Variants in TMEM63A observed in about 807,000 individuals in gnomAD.
TMEM63A encodes the protein transmembrane protein 63A, also known as mechanosensitive cation channel TMEM63A.
In TMEM63A, 76 loss-of-function variants were observed where a neutral mutation model predicts 100.6. The ratio of observed to expected loss-of-function variants is 0.76; its 90% CI spans 0.63 to 0.91. The LOEUF (loss-of-function observed/expected upper bound fraction) is 0.91, where lower values mean the gene tolerates loss of function less well. TMEM63A is among the 40% of genes least tolerant of loss of function. The pLI, the probability that TMEM63A is intolerant of heterozygous loss-of-function variation, is 0.00. For missense variants in TMEM63A, 876 were observed against 1,008.8 expected, an observed-to-expected ratio of 0.87 and a Z score of 1.78; for synonymous variants, 401 against 401.1, an observed-to-expected ratio of 1.00 and a Z score of 0.00.
rs1576095540 is a variant in TMEM63A, at chr1:225,864,430, A to G, written c.746+1467T>C. The G allele has an allele frequency of 5.3e-5, 8 of 152,340 alleles. 1 individual carries two copies. The highest frequency in any genetic ancestry group is 5.2e-4 in the Admixed American group (8 of 15,304). The allele number at this position is 152,340 out of a possible 1,614,324, so 9.4% of individuals were successfully genotyped here. A position where few individuals can be genotyped will look rare whatever the true frequency, so the allele number is the denominator to read the frequency against. Reference sequence around the variant, plus strand: ...GCTTGAAAGGCAAATTCATACATCAATCCCCACGGACTGCAACAGCATTCA... The same window carrying G: ...GCTTGAAAGGCAAATTCATACATCAGTCCCCACGGACTGCAACAGCATTCA... On this transcript the variant is annotated intron_variant, in intron 10 of 24. Coordinates refer to ENST00000366835, the MANE Select transcript of TMEM63A (RefSeq NM_014698.3).
At position 225,872,052 on chromosome 1, in the gene TMEM63A, C is replaced by T. The variant is rs767484298; in HGVS notation, c.268G>A (p.Glu90Lys). 37 of 1,598,396 alleles carry T rather than the reference C, an allele frequency of 2.3e-5. No individual in the cohort carries two copies. The highest frequency in any genetic ancestry group is 6.7e-5 in the East Asian group (3 of 44,782). ...RIALVSEADSESRFQRLSSTS... is the reference protein window; with the variant it reads ...RIALVSEADSKSRFQRLSSTS... ...GATGACAATCTCTGAAATCTGGACT[C>T]GCTAGAGACACAAAAAGAAAAAAAA... The change falls in exon 5 of 25, where the codon GAG becomes AAG. Residue 90 changes from glutamate (E) to lysine (K), a missense_variant and splice_region_variant. By Grantham distance (56) the Glu-to-Lys change is moderately conservative (BLOSUM62 1). Coordinates refer to ENST00000366835, the MANE Select transcript of TMEM63A (RefSeq NM_014698.3).
rs747726046 is a variant in TMEM63A at position 225,862,872 on chromosome 1, A to C, written c.747-21T>G. On this transcript the variant is annotated intron_variant, in intron 10 of 24. Transcript: ENST00000366835. This position sits in a 1 kb window ranked among gnomAD's most constrained non-coding sequence, Gnocchi z 5.1. ...CGTCCCTGTGGCCAGGGAGAGAAGG[A>C]GGCAAAAGACACCGTTGGAAAAGAA... 6.2e-7 allele frequency: 1 copy of C among 1,612,488 alleles called. No homozygotes were observed. Among genetic ancestry groups the C allele is most frequent in the East Asian group, 2.2e-5 (1 of 44,828 alleles).
At chr1:225,874,730 G>A (rs528062774) in intron 3 of TMEM63A, among the ~76,000 whole-genome samples, 1 of 152,358 alleles carries the variant, frequency 6.6e-6, no homozygotes, top group African/African-American at 2.4e-5. Context: ...CCCCGAGCAG[G>A]AGGGTAAGGT....
intron 13 of TMEM63A, 95 bp from the exon 14 acceptor site, chr1:225,861,092 G>A (rs1669912334): frequency 1.4e-6 from 2 of 1,388,784 alleles, no homozygotes; most frequent in African/African-American, 2.9e-5. Flanking sequence ...GGAGGCAGTG[G>A]CATAGGACCT....
At position 225,849,100 on chromosome 1, in the gene TMEM63A, G is replaced by A. The variant is rs1299039433; in HGVS notation, c.2072-88C>T. The A allele has an allele frequency of 1.3e-5, 13 of 1,027,720 alleles. No individual in the cohort carries two copies. The Admixed American group carries it at 2.6e-4, about 21-fold the overall frequency. The allele number at this position is 1,027,720 out of a possible 1,614,324, so 63.7% of individuals were successfully genotyped here. A position where few individuals can be genotyped will look rare whatever the true frequency, so the allele number is the denominator to read the frequency against. On this transcript the variant is annotated intron_variant, in intron 21 of 24. Transcript: ENST00000366835. ...TGCTGAGGAAGGGGCCGCACCTGGT[G>A]TGGAAACTGCCCGTGACTTCTCCCT...
At chr1:225,848,665 C>A in intron 22 of TMEM63A, 111 bp from the exon 23 acceptor site, 2 of 1,204,998 alleles carry the variant, frequency 1.7e-6, no homozygotes, top group Non-Finnish European at 2.4e-6. Flanking sequence ...CAGCTGGCAC[C>A]AAGCTCCCCA....
At chr1:225,849,767 G>C in intron 21 of TMEM63A, 145 bp downstream of exon 21, 1 of 1,022,942 alleles carries the variant, frequency 9.8e-7, no homozygotes, top group Non-Finnish European at 1.4e-6. Context: ...GTTCTGATGG[G>C]ACACCTAACC....
chr1:225,870,917 T>G (rs1185005035), intron 6 of TMEM63A, among the ~76,000 whole-genome samples, 159 bp downstream of exon 6: 1 of 152,162 alleles, frequency 6.6e-6, no homozygotes, highest in African/African-American at 2.4e-5. Flanking sequence ...CTGGTCACCT[T>G]GATTCTCAGC....
At chr1:225,872,716 C>T (rs1323729723) in intron 4 of TMEM63A, among the ~76,000 whole-genome samples, 1 of 113,968 alleles carries the variant, frequency 8.8e-6, no homozygotes, top group Non-Finnish European at 1.7e-5. Flanking sequence ...TTTTTTGAGA[C>T]AGAGTCTGGC....
chr1:225,854,944 A>T (rs1669542942), intron 18 of TMEM63A, among the ~76,000 whole-genome samples: 3 of 152,158 alleles, frequency 2.0e-5, no homozygotes, highest in Admixed American at 2.0e-4. Context: ...GGCTCGGATA[A>T]ATGTGTCAGA....
intron 3 of TMEM63A, 143 bp from the exon 4 acceptor site, chr1:225,874,510 GC>G (rs1395159155): frequency 1.3e-4 from 88 of 667,006 alleles, no homozygotes; most frequent in Non-Finnish European, 4.8e-5. Flanking sequence ...GCACTGAAGT[GC>G]CCAAGGCCAT....
At chr1:225,851,263 C>A (rs1429889283) in intron 20 of TMEM63A, among the ~76,000 whole-genome samples, 1 of 152,232 alleles carries the variant, frequency 6.6e-6, no homozygotes, top group Non-Finnish European at 1.5e-5. Context: ...TCACAGTCAA[C>A]AGAGAATGAG....
chr1:225,866,045 C>T lies in TMEM63A; in HGVS notation c.676-78G>A. The T allele has an allele frequency of 4.1e-6, 6 of 1,458,036 alleles. No homozygotes were observed. The African/African-American group carries it at 4.2e-5, about 10-fold the overall frequency. 90.3% of individuals were successfully genotyped at this position (1,458,036 alleles called of 1,614,324 possible). A position where few individuals can be genotyped will look rare whatever the true frequency, so the allele number is the denominator to read the frequency against. On this transcript the variant is annotated intron_variant, in intron 9 of 24. Transcript: ENST00000366835. ...TATGCTCAGGTTTCCTACCCAACTCCAGCCTCTGGAAAGTAAACAACAGGA... is the reference window on the plus strand; with the variant it reads ...TATGCTCAGGTTTCCTACCCAACTCTAGCCTCTGGAAAGTAAACAACAGGA...
chr1:225,844,739 TGCCCCAGGG>T (rs1255913214), downstream of TMEM63A: 5 of 1,494,446 alleles, frequency 3.3e-6, no homozygotes, highest in East Asian at 2.4e-5. Flanking sequence ...TGCCTGCAGG[TGCCCCAGGG>T]GCCCTTGGAT....
chr1:225,859,171 G>C (rs763438639), intron 15 of TMEM63A, 25 bp downstream of exon 15: 1 of 1,613,928 alleles, frequency 6.2e-7, no homozygotes, highest in Non-Finnish European at 8.5e-7. Flanking sequence ...TATCCTGGGA[G>C]GGGCCTTGCA....
chr1:225,847,710 A>G (rs1576062338), intron 23 of TMEM63A, among the ~76,000 whole-genome samples: 1 of 151,922 alleles, frequency 6.6e-6, no homozygotes, highest in African/African-American at 2.4e-5. Context: ...GACATCATCC[A>G]CCTGTCCTGC....
chr1:225,861,038 G>T, intron 13 of TMEM63A, 41 bp from the exon 14 acceptor site: 1 of 1,562,246 alleles, frequency 6.4e-7, no homozygotes, highest in Admixed American at 1.8e-5. Context: ...AGGCTACTCA[G>T]GTTACCAAGC....
Position 225,847,136 on chromosome 1 carries a change from G to C in TMEM63A, c.2328C>G (p.Thr776=). 2 of 1,612,368 alleles carry C rather than the reference G, an allele frequency of 1.2e-6. No homozygotes were observed. Among genetic ancestry groups the C allele is most frequent in the Non-Finnish European group, 8.5e-7 (1 of 1,178,692 alleles). Residue 776 remains threonine (T), a synonymous_variant, in exon 24 of 25, where the codon ACC becomes ACG. Transcript: ENST00000366835. ...ALSPQQQQQQ[T]YGAIHNISGT... ...CGCTGATGTTGTGGATGGCACCATA[G>C]GTCTGCTGCTGCTGCTGCTGCGGAG...
In TMEM63A at chr1:225,871,068, G is replaced by A. The variant is rs747378194; in HGVS notation, c.371+8C>T. 4 of 1,613,834 alleles carry A rather than the reference G, an allele frequency of 2.5e-6. No individual in the cohort carries two copies. Among genetic ancestry groups the A allele is most frequent in the East Asian group, 2.2e-5 (1 of 44,896 alleles). On this transcript the variant is annotated splice_region_variant and intron_variant, in intron 6 of 24. Coordinates refer to ENST00000366835, the MANE Select transcript of TMEM63A (RefSeq NM_014698.3). ...GGCCCCCCAGCAGCTGCCCCCGGGT[G>A]TACTCACTGCAGACGGAAGATGGCA... is the stretch of plus-strand genomic sequence containing the variant.
Sources: gnomAD v4.1 joint callset for allele counts (sites outside exome capture counted in the v4.1 genomes callset) on GRCh38, gnomAD v4.1.1 for gene constraint, Gnocchi (gnomAD v3.1) non-coding constraint, MANE v1.5 for transcripts, NCBI Gene and HGNC (gene_info 2026-07-23, HGNC 2026-07-21) for gene names.